AGAP1: variants seen among roughly 807,000 people sequenced by gnomAD.
AGAP1 encodes arf-GAP with GTPase, ANK repeat and PH domain-containing protein 1.
AGAP1 carries 29 observed loss-of-function variants against 105.3 expected under a neutral mutation model. The ratio of observed to expected loss-of-function variants is 0.28; its 90% CI spans 0.21 to 0.38. The LOEUF (loss-of-function observed/expected upper bound fraction) is 0.38. AGAP1 is among the 10% of genes least tolerant of loss of function. The pLI is 1.00. For missense variants in AGAP1, 998 were observed against 1,165.1 expected, an observed-to-expected ratio of 0.86 and a Z score of 2.09; for synonymous variants, 509 against 485.9, an observed-to-expected ratio of 1.05 and a Z score of -0.63.
At chr2:235,873,512 A>G (rs549952392) in intron 9 of AGAP1, among the ~76,000 whole-genome samples, 2 of 151,922 alleles carry the variant, frequency 1.3e-5, no homozygotes, top group Non-Finnish European at 2.9e-5. Flanking sequence ...TTTTTTTTAA[A>G]GGTTTACATG....
chr2:235,978,377 T>C (rs1189441204), intron 13 of AGAP1, among the ~76,000 whole-genome samples: 1 of 152,176 alleles, frequency 6.6e-6, no homozygotes, highest in Non-Finnish European at 1.5e-5. Flanking sequence ...CAGCTGTCCT[T>C]TCCCCTTCAC....
At chr2:235,590,690 T>TGTGTGC (rs1945301654) in intron 1 of AGAP1, among the ~76,000 whole-genome samples, 1 of 114,104 alleles carries the variant, frequency 8.8e-6, no homozygotes, top group African/African-American at 3.4e-5. Context: ...TGTGTGCGTG[T>TGTGTGC]GCGTGTGTGT....
rs1951026602 is a variant in AGAP1 at position 235,714,961 on chromosome 2, T to C, written c.223-2596T>C. Among the ~76,000 whole-genome samples, 7 of 152,152 alleles carry C rather than the reference T, an allele frequency of 4.6e-5. No homozygotes were observed. The South Asian group carries it at 1.2e-3, about 27-fold the overall frequency. On this transcript the variant is annotated intron_variant, in intron 2 of 17. Transcript: ENST00000304032. This position sits in a 1 kb window ranked among gnomAD's most constrained non-coding sequence, Gnocchi z 4.1. ...TACAGGCGTGTGCCACCACGCCTTG[T>C]TATTTTTTTGTAGTTTTAGTAGAGA... is the stretch of plus-strand genomic sequence containing the variant.
intron 9 of AGAP1, among the ~76,000 whole-genome samples, chr2:235,827,802 A>C (rs1458191429): frequency 6.6e-6 from 1 of 152,230 alleles, no homozygotes; most frequent in Non-Finnish European, 1.5e-5. Context: ...TAGGCCTTGA[A>C]GATAGAGGGG....
chr2:235,776,843 G>A (rs187698845), intron 6 of AGAP1: 35 of 466,712 alleles, frequency 7.5e-5, no homozygotes, highest in Non-Finnish European at 1.3e-4. Context: ...CCAACTCGGA[G>A]CCCCTTTTCC....
At chr2:235,694,730 T>C (rs996303310) in intron 1 of AGAP1, among the ~76,000 whole-genome samples, 3 of 152,164 alleles carry the variant, frequency 2.0e-5, no homozygotes, top group African/African-American at 7.2e-5. Flanking sequence ...AGGCATCTCC[T>C]GGGCACCTTT....
At chr2:235,810,730 T>G (rs1958090762) in intron 9 of AGAP1, among the ~76,000 whole-genome samples, 1 of 152,184 alleles carries the variant, frequency 6.6e-6, no homozygotes, top group South Asian at 2.1e-4. Context: ...AGAATATGAC[T>G]TATTTTCTGG....
intron 6 of AGAP1, among the ~76,000 whole-genome samples, chr2:235,794,169 TACAC>T (rs144024907): frequency 6.6e-6 from 1 of 152,080 alleles, no homozygotes; most frequent in Non-Finnish European, 1.5e-5. Context: ...TTATACAATG[TACAC>T]ACACACACGC....
At chr2:235,707,940 G>A (rs73996322) in intron 1 of AGAP1, among the ~76,000 whole-genome samples, 11,486 of 151,302 alleles carry the variant, frequency 0.076, 1,398 homozygotes, top group African/African-American at 0.26. Context: ...TCCCAATCAT[G>A]TGACCTGGTG....
chr2:235,746,306 C>G (rs1458582915), intron 5 of AGAP1, among the ~76,000 whole-genome samples: 4 of 140,224 alleles, frequency 2.9e-5, no homozygotes, highest in Non-Finnish European at 6.1e-5. Context: ...AAAAACAAAA[C>G]TATAAGTATC....
intron 1 of AGAP1, among the ~76,000 whole-genome samples, chr2:235,652,456 G>T (rs895826497): frequency 1.3e-5 from 2 of 152,176 alleles, no homozygotes; most frequent in Admixed American, 6.5e-5. Context: ...GTGGGTGACA[G>T]CATTGAGTCC....
intron 9 of AGAP1, among the ~76,000 whole-genome samples, chr2:235,809,282 A>G (rs1027258958): frequency 2.0e-5 from 3 of 152,152 alleles, no homozygotes; most frequent in Non-Finnish European, 4.4e-5. Flanking sequence ...CAAGCGTAAA[A>G]TGAGTATTAT....
Position 235,574,188 on chromosome 2 carries a change from C to G in AGAP1, c.163+79339C>G, listed in dbSNP as rs1315755243. Among the ~76,000 whole-genome samples, 1 of 152,200 alleles carries G rather than the reference C, an allele frequency of 6.6e-6. No homozygotes were observed. The highest frequency in any genetic ancestry group is 1.5e-5 in the Non-Finnish European group (1 of 68,026). On this transcript the variant is annotated intron_variant, in intron 1 of 17. Transcript: ENST00000304032. The surrounding 1 kb of genome is among the most constrained non-coding windows in gnomAD (Gnocchi z 5.0). Reference sequence around the variant, plus strand: ...TTCAGCTGTGACTGCATTCTGGCACCTGAAGCATCTGGGCCTGGACGGACT... The same window carrying G: ...TTCAGCTGTGACTGCATTCTGGCACGTGAAGCATCTGGGCCTGGACGGACT...
chr2:236,111,734 G>A (rs1017667942), intron 16 of AGAP1, among the ~76,000 whole-genome samples: 12 of 151,206 alleles, frequency 7.9e-5, no homozygotes, highest in Non-Finnish European at 1.5e-4. Context: ...CGAGGCTGCA[G>A]TGAGCCCTGG....
rs1272978869 is a variant in AGAP1, at chr2:235,977,748, A to G, written c.1645+9125A>G. On this transcript the variant is annotated intron_variant, in intron 13 of 17. Coordinates refer to ENST00000304032, the MANE Select transcript of AGAP1 (RefSeq NM_001037131.3). This position sits in a 1 kb window ranked among gnomAD's most constrained non-coding sequence, Gnocchi z 5.2. ...ACTTCATTCCTCTTTCTAAAGATGT[A>G]AAACAAAAGGGGATATTGACTAATG... is the stretch of plus-strand genomic sequence containing the variant. Among the ~76,000 whole-genome samples, 1 of 152,210 alleles carries G rather than the reference A, an allele frequency of 6.6e-6. No homozygotes were observed. The highest frequency in any genetic ancestry group is 1.5e-5 in the Non-Finnish European group (1 of 68,032).
chr2:235,631,932 C>T lies in AGAP1; in HGVS notation c.164-77247C>T, dbSNP rs1243598444. 1.3e-5 allele frequency among the ~76,000 whole-genome samples: 2 copies of T among 152,160 alleles called. No individual in the cohort carries two copies. Among genetic ancestry groups the T allele is most frequent in the Non-Finnish European group, 2.9e-5 (2 of 68,030 alleles). Reference sequence around the variant, plus strand: ...TTCTGCTTTTTCCATCTGTTACCTGCATGCATATATGATGGCTGGCCACCA... The same window carrying T: ...TTCTGCTTTTTCCATCTGTTACCTGTATGCATATATGATGGCTGGCCACCA... On this transcript the variant is annotated intron_variant, in intron 1 of 17. Coordinates refer to ENST00000304032, the MANE Select transcript of AGAP1 (RefSeq NM_001037131.3). This position sits in a 1 kb window ranked among gnomAD's most constrained non-coding sequence, Gnocchi z 5.4.
chr2:235,850,150 T>G (rs1041028790), intron 9 of AGAP1, among the ~76,000 whole-genome samples: 2 of 152,120 alleles, frequency 1.3e-5, no homozygotes, highest in Non-Finnish European at 2.9e-5. Context: ...CGGCAAACCG[T>G]GGGTTAGTAA....
rs188592539 is a variant in AGAP1 at position 236,121,127 on chromosome 2, A to G, written c.2370+680A>G. ...CTGCCGGCAGGGAGGCTCCCCAGAT[A>G]GGGAAGGCAAGTGTGTGCCCAGAAG... On this transcript the variant is annotated intron_variant, in intron 17 of 17. Coordinates refer to ENST00000304032, the MANE Select transcript of AGAP1 (RefSeq NM_001037131.3). The surrounding 1 kb of genome is among the most constrained non-coding windows in gnomAD (Gnocchi z 4.9). Among the ~76,000 whole-genome samples, 3 of 152,256 alleles carry G rather than the reference A, an allele frequency of 2.0e-5. No individual in the cohort carries two copies. Among genetic ancestry groups the G allele is most frequent in the Admixed American group, 1.3e-4 (2 of 15,304 alleles).
chr2:235,928,056 G>C (rs2052538704), intron 11 of AGAP1, among the ~76,000 whole-genome samples: 1 of 152,240 alleles, frequency 6.6e-6, no homozygotes, highest in Non-Finnish European at 1.5e-5. Flanking sequence ...AGGCCCAGAA[G>C]TGCCTGGCAC....
Sources: allele counts gnomAD v4.1 joint callset (sites outside exome capture counted in the v4.1 genomes callset), GRCh38; gene constraint gnomAD v4.1.1; non-coding constraint Gnocchi (gnomAD v3.1); transcripts MANE v1.5; gene names NCBI Gene and HGNC (gene_info 2026-07-23, HGNC 2026-07-21).